The following DCDC1 variants were observed in gnomAD, a reference collection of about 807,000 sequenced individuals.
DCDC1 encodes doublecortin domain-containing protein 1.
DCDC1 carries 200 observed loss-of-function variants against 178.3 expected under a neutral mutation model. That is an observed-to-expected ratio of 1.12 (90% CI 1.00 to 1.26). The LOEUF is 1.26. Ranked by LOEUF, DCDC1 falls within the 50% of genes most tolerant of loss-of-function variation. DCDC1 has a pLI of 0.00. For missense variants in DCDC1, 1,983 were observed against 1,749.2 expected (o/e 1.13, Z -2.38); for synonymous variants, 690 against 604.8 (o/e 1.14, Z -2.07).
chr11:30,958,280 A>C (rs1273937736), intron 20 of DCDC1, among the ~76,000 whole-genome samples: 1 of 152,122 alleles, frequency 6.6e-6, no homozygotes, highest in Non-Finnish European at 1.5e-5. Context: ...GTGAATCTTT[A>C]TTTGTCATGT....
At chr11:30,894,813 A>G (rs1944074552) in intron 34 of DCDC1, among the ~76,000 whole-genome samples, 1 of 152,184 alleles carries the variant, frequency 6.6e-6, no homozygotes, top group Non-Finnish European at 1.5e-5. Flanking sequence ...GGGATTAAGT[A>G]TTTCTAAAAT....
intron 20 of DCDC1, among the ~76,000 whole-genome samples, chr11:31,042,240 C>A (rs945433456): frequency 1.3e-5 from 2 of 152,134 alleles, no homozygotes; most frequent in Non-Finnish European, 2.9e-5. Context: ...TTTGGGCCTG[C>A]AATTTGAGGA....
intron 1 of DCDC1, among the ~76,000 whole-genome samples, chr11:31,348,873 A>G (rs931215175): frequency 6.6e-6 from 1 of 152,210 alleles, no homozygotes; most frequent in Non-Finnish European, 1.5e-5. Context: ...AATCACATAT[A>G]TACACCTGCA....
intron 7 of DCDC1, among the ~76,000 whole-genome samples, chr11:31,289,317 C>T (rs1947055317): frequency 6.6e-6 from 1 of 151,990 alleles, no homozygotes; most frequent in Admixed American, 6.6e-5. Context: ...ATACGTTCAT[C>T]TTCTCTATTT....
At chr11:30,885,650 CTGCAAATATGTTTTTAAATTTTGT>C (rs1943099155) in intron 36 of DCDC1, among the ~76,000 whole-genome samples, 1 of 151,962 alleles carries the variant, frequency 6.6e-6, no homozygotes, top group South Asian at 2.1e-4. Flanking sequence ...TCTGTCGAAC[CTGCAAATATGTTTTTAAATTTTGT>C]TGCAGTGCTG....
At chr11:31,182,716 CA>C (rs1365853372) in intron 9 of DCDC1, among the ~76,000 whole-genome samples, 2 of 152,110 alleles carry the variant, frequency 1.3e-5, no homozygotes, top group Admixed American at 6.5e-5. Context: ...AAGCAGCTAG[CA>C]TCATAATGAC....
At chr11:31,356,318 A>G (rs918416913) in intron 1 of DCDC1, among the ~76,000 whole-genome samples, 1 of 152,184 alleles carries the variant, frequency 6.6e-6, no homozygotes, top group Non-Finnish European at 1.5e-5. Flanking sequence ...AAACTGAACA[A>G]CCTGCTCCTG....
intron 17 of DCDC1, among the ~76,000 whole-genome samples, chr11:31,084,374 T>C (rs1004037099): frequency 1.3e-5 from 2 of 152,110 alleles, no homozygotes; most frequent in Admixed American, 6.5e-5. Context: ...TAATAAAATA[T>C]GGTTATCTTA....
At chr11:30,908,084 A>G (rs1945199374) in intron 29 of DCDC1, among the ~76,000 whole-genome samples, 1 of 152,168 alleles carries the variant, frequency 6.6e-6, no homozygotes, top group Non-Finnish European at 1.5e-5. Context: ...TCTTTGGGGA[A>G]TTTTTAAACA....
intron 20 of DCDC1, among the ~76,000 whole-genome samples, chr11:30,978,779 AACACAC>A (rs56058117): frequency 0.011 from 1,250 of 118,998 alleles, 23 homozygotes; most frequent in African/African-American, 0.044. Flanking sequence ...GTCCCCCCTC[AACACAC>A]ACACACACAC....
intron 18 of DCDC1, among the ~76,000 whole-genome samples, chr11:31,067,023 A>C (rs1956286390): frequency 1.3e-5 from 2 of 152,172 alleles, no homozygotes; most frequent in South Asian, 4.1e-4. Flanking sequence ...AAAGTGCTCT[A>C]AAAAGTAAAG....
chr11:31,011,617 C>T (rs1002274898), intron 20 of DCDC1, among the ~76,000 whole-genome samples: 1 of 152,170 alleles, frequency 6.6e-6, no homozygotes, highest in Non-Finnish European at 1.5e-5. Flanking sequence ...TCTGACAACA[C>T]ATCATCCCCT....
At chr11:31,283,093 T>C (rs1336751795) in intron 7 of DCDC1, among the ~76,000 whole-genome samples, 1 of 152,174 alleles carries the variant, frequency 6.6e-6, no homozygotes, top group African/African-American at 2.4e-5. Context: ...TTGAGCTTCT[T>C]AGATATGTGG....
At chr11:30,921,009 C>T (rs1426286688) in intron 24 of DCDC1, 74 bp from the exon 25 acceptor site, 1 of 1,454,956 alleles carries the variant, frequency 6.9e-7, no homozygotes, top group Non-Finnish European at 9.2e-7. Context: ...AAAACACACA[C>T]TAAAATACAA....
intron 20 of DCDC1, among the ~76,000 whole-genome samples, chr11:30,978,439 T>G (rs1950213411): frequency 6.6e-6 from 1 of 152,220 alleles, no homozygotes; most frequent in African/African-American, 2.4e-5. Context: ...AAGAAGATAC[T>G]GAAGTAAAGT....
At chr11:31,095,298 T>A (rs1421058933) in intron 15 of DCDC1, among the ~76,000 whole-genome samples, 1 of 152,178 alleles carries the variant, frequency 6.6e-6, no homozygotes, top group African/African-American at 2.4e-5. Flanking sequence ...TTTGGGTATA[T>A]ACTCAGTAAT....
chr11:30,892,828 G>T lies in DCDC1; in HGVS notation c.5072C>A (p.Thr1691Asn). Residue 1691 changes from threonine (T) to asparagine (N), a missense_variant, in exon 36 of 39, where the codon ACT becomes AAT. Thr to Asn is a moderately conservative substitution (Grantham distance 65). Coordinates refer to ENST00000684477, the MANE Select transcript of DCDC1 (RefSeq NM_001387274.1). Reference sequence around the variant, plus strand: ...TCACACTAGATTTACCTCTGAAATAGTTTTGCCCCAGGCATAAGTGCCATC... The same window carrying T: ...TCACACTAGATTTACCTCTGAAATATTTTTGCCCCAGGCATAAGTGCCATC... ...PEDGTYAWGKTISELLQDCSS... is the reference protein window; with the variant it reads ...PEDGTYAWGKNISELLQDCSS... The T allele has an allele frequency of 6.2e-7, 1 of 1,613,850 alleles. No homozygotes were observed. The highest frequency in any genetic ancestry group is 8.5e-7 in the Non-Finnish European group (1 of 1,179,802).
intron 36 of DCDC1, among the ~76,000 whole-genome samples, chr11:30,886,644 C>T (rs1311465859): frequency 6.6e-6 from 1 of 152,140 alleles, no homozygotes; most frequent in African/African-American, 2.4e-5. Flanking sequence ...CCCTTAAGAC[C>T]TCATTTAACC....
intron 20 of DCDC1, among the ~76,000 whole-genome samples, chr11:31,013,942 T>C (rs1200560733): frequency 6.6e-6 from 1 of 152,174 alleles, no homozygotes; most frequent in Non-Finnish European, 1.5e-5. Context: ...ACTACACTTG[T>C]GGTAGGCACC....
Sources: gnomAD v4.1 joint callset for allele counts (sites outside exome capture counted in the v4.1 genomes callset) on GRCh38, gnomAD v4.1.1 for gene constraint, MANE v1.5 for transcripts, NCBI Gene and HGNC (gene_info 2026-07-23, HGNC 2026-07-21) for gene names.